The following EMP2 variants were observed in gnomAD, a reference collection of about 807,000 sequenced individuals.
EMP2 encodes the protein epithelial membrane protein 2.
A neutral mutation model predicts 13.7 loss-of-function variants in EMP2; 19 were observed. The observed-to-expected ratio is 1.38, with a 90% confidence interval of 0.97 to 2.03. The LOEUF is 2.03. EMP2 is among the 30% of genes most tolerant of loss of function. The pLI is 0.00. For missense variants in EMP2, 253 were observed against 220.7 expected (o/e 1.15, Z -0.93); for synonymous variants, 97 against 84.7 (o/e 1.15, Z -0.80).
intron 1 of EMP2, among the ~76,000 whole-genome samples, chr16:10,571,539 A>G (rs2050947491): frequency 6.6e-6 from 1 of 152,200 alleles, no homozygotes; most frequent in Non-Finnish European, 1.5e-5. Flanking sequence ...GAGTCAGATC[A>G]TGTAAGGCCT....
chr16:10,568,511 C>G (rs2050924830), intron 1 of EMP2, among the ~76,000 whole-genome samples: 1 of 152,184 alleles, frequency 6.6e-6, no homozygotes, highest in African/African-American at 2.4e-5. Context: ...CAAGACCCTG[C>G]TGCTAGAGTG....
At chr16:10,576,179 A>T (rs1225333953) in intron 1 of EMP2, among the ~76,000 whole-genome samples, 1 of 152,006 alleles carries the variant, frequency 6.6e-6, no homozygotes, top group African/African-American at 2.4e-5. Context: ...TTTTCCCCCA[A>T]TACCAATCAA....
chr16:10,531,911 C>G lies in EMP2; in HGVS notation c.*994G>C, dbSNP rs937360600. The G allele has an allele frequency of 3.2e-5, 5 of 154,826 alleles. No homozygotes were observed. Among genetic ancestry groups the G allele is most frequent in the African/African-American group, 1.2e-4 (5 of 41,504 alleles). 9.6% of individuals were successfully genotyped at this position (154,826 alleles called of 1,614,324 possible). A position where few individuals can be genotyped will look rare whatever the true frequency, so the allele number is the denominator to read the frequency against. ...AAGATGGGAAGGAGGCTGTACCCCA[C>G]ACCCTGAAGGTGTCTATGAGTTCAC... is the stretch of plus-strand genomic sequence containing the variant. On this transcript the variant is annotated 3_prime_UTR_variant, in exon 5 of 5. Coordinates refer to ENST00000359543, the MANE Select transcript of EMP2 (RefSeq NM_001424.6).
At chr16:10,558,036 T>G (rs565916635) in intron 1 of EMP2, among the ~76,000 whole-genome samples, 4 of 151,436 alleles carry the variant, frequency 2.6e-5, no homozygotes, top group South Asian at 2.1e-4. Context: ...TTCAAGTTTT[T>G]TTTTTTTTTT....
chr16:10,541,318 T>G (rs1192015444), intron 3 of EMP2, among the ~76,000 whole-genome samples: 1 of 152,146 alleles, frequency 6.6e-6, no homozygotes, highest in African/African-American at 2.4e-5. Flanking sequence ...TTGGCAAACT[T>G]TTTCAGTAGA....
At chr16:10,573,189 A>G (rs2050959624) in intron 1 of EMP2, among the ~76,000 whole-genome samples, 1 of 152,174 alleles carries the variant, frequency 6.6e-6, no homozygotes, top group Non-Finnish European at 1.5e-5. Flanking sequence ...AGCTGGGGCT[A>G]CAGGTGTGTG....
At chr16:10,575,509 C>G (rs967915924) in intron 1 of EMP2, among the ~76,000 whole-genome samples, 4 of 151,900 alleles carry the variant, frequency 2.6e-5, no homozygotes, top group Non-Finnish European at 5.9e-5. Context: ...CTACCTCGGC[C>G]TCCCAAAGTT....
At chr16:10,568,780 CTTTT>C (rs58406598) in intron 1 of EMP2, among the ~76,000 whole-genome samples, 1 of 85,236 alleles carries the variant, frequency 1.2e-5, no homozygotes, top group Admixed American at 1.6e-4. Context: ...CTAGGATTTT[CTTTT>C]TTTTTTTTTT....
rs142902542 is a variant in EMP2 at position 10,554,722 on chromosome 16, G to A, written c.-60-7045C>T. On this transcript the variant is annotated intron_variant, in intron 1 of 4. Transcript: ENST00000359543. ...CCCTATGCCTGCCCTTGTGCCTGCA[G>A]GCTTCAGTGCTCTGCTGCTTTAGGG... Among the ~76,000 whole-genome samples, 656 of 152,220 alleles carry A rather than the reference G, an allele frequency of 4.3e-3. 13 individuals are homozygous for A. The highest frequency in any genetic ancestry group is 4.3e-3 in the Non-Finnish European group (291 of 68,000).
At chr16:10,556,642 A>G (rs2050829648) in intron 1 of EMP2, among the ~76,000 whole-genome samples, 1 of 152,248 alleles carries the variant, frequency 6.6e-6, no homozygotes. Context: ...GAGACTCCTC[A>G]TGACTAAAGG....
At chr16:10,576,596 T>C (rs1000389599) in intron 1 of EMP2, 2 of 150,738 alleles carry the variant, frequency 1.3e-5, no homozygotes, top group African/African-American at 2.4e-5. Context: ...GGACCCAGAG[T>C]TCCAGGAAGC....
rs58318805 is a variant in EMP2, at chr16:10,529,931, C to CAAAAAAAA, written c.*2966_*2973dup. The CAAAAAAAA allele has an allele frequency of 2.7e-5, 2 of 75,406 alleles. No homozygotes were observed. Among genetic ancestry groups the CAAAAAAAA allele is most frequent in the Non-Finnish European group, 5.7e-5 (2 of 34,854 alleles). The allele number at this position is 75,406 out of a possible 1,614,324, so 4.7% of individuals were successfully genotyped here. On this transcript the variant is annotated 3_prime_UTR_variant, in exon 5 of 5. Coordinates refer to ENST00000359543, the MANE Select transcript of EMP2 (RefSeq NM_001424.6). Reference sequence around the variant, plus strand: ...GGGCAACAAGAGCAAAACTCAGTCTCAAAAAAAAAAAAAAAAAAGAAAAAG... The same window carrying CAAAAAAAA: ...GGGCAACAAGAGCAAAACTCAGTCTCAAAAAAAAAAAAAAAAAAAAAAAAAAGAAAAAG...
At chr16:10,533,226 C>T (rs1345171647) in intron 4 of EMP2, 134 bp from the exon 5 acceptor site, 14 of 943,962 alleles carry the variant, frequency 1.5e-5, no homozygotes, top group Non-Finnish European at 1.7e-5. Context: ...GTTGTAGAGA[C>T]AAGATTTTGC....
At chr16:10,550,241 A>C (rs1273306682) in intron 1 of EMP2, among the ~76,000 whole-genome samples, 2 of 152,076 alleles carry the variant, frequency 1.3e-5, no homozygotes, top group Non-Finnish European at 2.9e-5. Context: ...ATTTAACGTG[A>C]TACAATATAA....
At chr16:10,548,622 A>G (rs1319617784) in intron 1 of EMP2, among the ~76,000 whole-genome samples, 1 of 152,172 alleles carries the variant, frequency 6.6e-6, no homozygotes, top group Admixed American at 6.5e-5. Context: ...TGAGCCCAGG[A>G]GGTGGAGGCT....
chr16:10,554,221 AG>A (rs1162309057), intron 1 of EMP2, among the ~76,000 whole-genome samples: 1 of 152,104 alleles, frequency 6.6e-6, no homozygotes, highest in East Asian at 1.9e-4. Flanking sequence ...TAGTAAAGAC[AG>A]GGTTTCACTA....
chr16:10,541,145 A>T (rs12930641), intron 3 of EMP2, among the ~76,000 whole-genome samples: 26,932 of 151,910 alleles, frequency 0.18, 2,625 homozygotes, highest in African/African-American at 0.28. Flanking sequence ...CTCATGCCTA[A>T]AAACCCCAGC....
intron 4 of EMP2, among the ~76,000 whole-genome samples, chr16:10,535,054 G>C (rs1163473724): frequency 6.6e-6 from 1 of 152,206 alleles, no homozygotes; most frequent in East Asian, 1.9e-4. Context: ...TCAGTTGCTG[G>C]TGCCTGGATC....
chr16:10,569,208 C>T (rs1252759527), intron 1 of EMP2, among the ~76,000 whole-genome samples: 1 of 152,206 alleles, frequency 6.6e-6, no homozygotes, highest in African/African-American at 2.4e-5. Context: ...CCTGGGTAGG[C>T]CCTCAGTGTC....
Sources: gnomAD v4.1 joint callset for allele counts (sites outside exome capture counted in the v4.1 genomes callset) on GRCh38, gnomAD v4.1.1 for gene constraint, MANE v1.5 for transcripts, NCBI Gene and HGNC (gene_info 2026-07-23, HGNC 2026-07-21) for gene names.